Variants in AOPEP observed in about 807,000 individuals in gnomAD.
AOPEP encodes aminopeptidase O.
A neutral mutation model predicts 98.1 loss-of-function variants in AOPEP; 77 were observed. The ratio of observed to expected loss-of-function variants is 0.78; its 90% CI spans 0.65 to 0.95. AOPEP has a LOEUF of 0.95. AOPEP is among the 40% of genes least tolerant of loss of function. AOPEP has a pLI of 0.00. For synonymous variants in AOPEP, 346 were observed against 365.3 expected, an observed-to-expected ratio of 0.95 and a Z score of 0.60; for missense variants, 1,024 against 1,024.7, an observed-to-expected ratio of 1.00 and a Z score of 0.01.
chr9:95,113,074 C>G, the AOPEP span, among the ~76,000 whole-genome samples: 4 of 152,248 alleles, frequency 2.6e-5, no homozygotes, highest in Non-Finnish European at 4.4e-5. Context: ...CAAGGTCCAG[C>G]TCTGTGTAAC....
chr9:94,781,304 T>G (rs1843188451), intron 3 of AOPEP, among the ~76,000 whole-genome samples: 1 of 152,120 alleles, frequency 6.6e-6, no homozygotes, highest in Non-Finnish European at 1.5e-5. Flanking sequence ...ATACAGTGCC[T>G]TGTATAGAAT....
intron 13 of AOPEP, among the ~76,000 whole-genome samples, chr9:95,032,818 C>G (rs913215853): frequency 2.0e-5 from 3 of 152,170 alleles, no homozygotes; most frequent in Non-Finnish European, 2.9e-5. Flanking sequence ...GACAAAACAG[C>G]CTCATCAGTG....
At chr9:94,812,613 C>G (rs1850854513) in intron 5 of AOPEP, among the ~76,000 whole-genome samples, 1 of 152,066 alleles carries the variant, frequency 6.6e-6, no homozygotes, top group Admixed American at 6.5e-5. Context: ...TGTTTCCTAT[C>G]ACTGGGAGGA....
At chr9:95,026,059 C>G (rs2063811833) in intron 13 of AOPEP, among the ~76,000 whole-genome samples, 1 of 152,186 alleles carries the variant, frequency 6.6e-6, no homozygotes, top group Admixed American at 6.5e-5. Context: ...TAGCAAAATT[C>G]TGCATTCTCA....
the AOPEP span, among the ~76,000 whole-genome samples, chr9:95,139,787 T>C: frequency 6.7e-6 from 1 of 149,856 alleles, no homozygotes; most frequent in Non-Finnish European, 1.5e-5. Flanking sequence ...TTTCTGTATA[T>C]GCCTTGTGCT....
rs116484174 is a variant in AOPEP, at chr9:95,029,849, A to G, written c.2115+24233A>G. ...TCTTTCGTAGTGCTTGTCCTGGGAG[A>G]TGGGTGGCATTACTGATGGTGTGCC... is the stretch of plus-strand genomic sequence containing the variant. On this transcript the variant is annotated intron_variant, in intron 13 of 16. Transcript: ENST00000375315. 3.6e-3 allele frequency among the ~76,000 whole-genome samples: 555 copies of G among 152,164 alleles called. 4 individuals are homozygous for G. The highest frequency in any genetic ancestry group is 0.013 in the African/African-American group (539 of 41,514).
At chr9:94,795,673 ACT>A (rs1307995451) in intron 4 of AOPEP, among the ~76,000 whole-genome samples, 1 of 151,984 alleles carries the variant, frequency 6.6e-6, no homozygotes, top group African/African-American at 2.4e-5. Flanking sequence ...GCAGCCACTG[ACT>A]CTGTGCTCTC....
chr9:94,747,121 C>T (rs371967555), intron 1 of AOPEP, among the ~76,000 whole-genome samples: 3 of 150,930 alleles, frequency 2.0e-5, no homozygotes, highest in Non-Finnish European at 4.4e-5. Flanking sequence ...GTCACTCTTA[C>T]GTGCTTCCTG....
At chr9:95,050,553 A>G (rs1440500926) in intron 13 of AOPEP, among the ~76,000 whole-genome samples, 1 of 152,212 alleles carries the variant, frequency 6.6e-6, no homozygotes, top group Non-Finnish European at 1.5e-5. Context: ...TACTCTCCAC[A>G]CATTTTTATT....
chr9:95,135,707 C>G, the AOPEP span, among the ~76,000 whole-genome samples: 2 of 152,116 alleles, frequency 1.3e-5, no homozygotes, highest in East Asian at 3.8e-4. Flanking sequence ...CTTCAACTCA[C>G]CTTAAGAAAT....
chr9:94,758,447 A>G (rs934656669), intron 1 of AOPEP, among the ~76,000 whole-genome samples: 1 of 152,208 alleles, frequency 6.6e-6, no homozygotes, highest in Non-Finnish European at 1.5e-5. Context: ...AATCAATGGG[A>G]TATTAACCTA....
chr9:94,753,085 CAT>C (rs1034608182), intron 1 of AOPEP, among the ~76,000 whole-genome samples: 5 of 152,204 alleles, frequency 3.3e-5, no homozygotes, highest in African/African-American at 9.7e-5. Context: ...CATTGAGTAA[CAT>C]AGACAGATTC....
the AOPEP span, among the ~76,000 whole-genome samples, chr9:95,105,195 C>T: frequency 6.6e-6 from 1 of 152,208 alleles, no homozygotes; most frequent in Non-Finnish European, 1.5e-5. Context: ...GCCCACTCCA[C>T]AGGACTGTCC....
chr9:95,144,699 G>C, the AOPEP span, among the ~76,000 whole-genome samples: 1 of 152,230 alleles, frequency 6.6e-6, no homozygotes, highest in Non-Finnish European at 1.5e-5. Flanking sequence ...CTGCCACAGT[G>C]AAAGGCAAGA....
intron 14 of AOPEP, among the ~76,000 whole-genome samples, chr9:95,078,300 C>T (rs2069312105): frequency 6.6e-6 from 1 of 152,182 alleles, no homozygotes; most frequent in African/African-American, 2.4e-5. Context: ...AAATAAGCCC[C>T]AGTTTATGCT....
chr9:94,918,738 T>C (rs1302475797), intron 5 of AOPEP, among the ~76,000 whole-genome samples: 1 of 152,254 alleles, frequency 6.6e-6, no homozygotes, highest in East Asian at 1.9e-4. Flanking sequence ...TAAAATACAG[T>C]GCCTGGCACG....
chr9:95,035,507 ATTTTTTTTT>A (rs542840000), intron 13 of AOPEP, among the ~76,000 whole-genome samples: 2 of 67,950 alleles, frequency 2.9e-5, no homozygotes, highest in Admixed American at 2.3e-4. Context: ...GCTTCAGATA[ATTTTTTTTT>A]TTTTTTTTTT....
At chr9:94,957,998 A>G (rs1025415957) in intron 9 of AOPEP, among the ~76,000 whole-genome samples, 11 of 151,944 alleles carry the variant, frequency 7.2e-5, no homozygotes, top group African/African-American at 2.7e-4. Context: ...TGCGATCATT[A>G]CCACCATCCA....
At chr9:95,091,656 G>A (rs2070868506), downstream of AOPEP, among the ~76,000 whole-genome samples, 1 of 152,202 alleles carries the variant, frequency 6.6e-6, no homozygotes, top group Admixed American at 6.5e-5. Context: ...AGGTGGAAGT[G>A]AGGAGAGGCC....
Sources: allele counts gnomAD v4.1 joint callset (sites outside exome capture counted in the v4.1 genomes callset), GRCh38; gene constraint gnomAD v4.1.1; transcripts MANE v1.5; gene names NCBI Gene and HGNC (gene_info 2026-07-23, HGNC 2026-07-21).